Variants in PCM1 observed in about 807,000 individuals in gnomAD.
The protein encoded by PCM1 is pericentriolar material 1.
A neutral mutation model predicts 241.9 loss-of-function variants in PCM1; 157 were observed. The ratio of observed to expected loss-of-function variants is 0.65; its 90% CI spans 0.57 to 0.74. PCM1 has a LOEUF of 0.74. Ranked by LOEUF, PCM1 falls within the 30% of genes least tolerant of loss-of-function variation. The pLI is 0.00. For synonymous variants in PCM1, 1,085 were observed against 784.9 expected (o/e 1.38, Z -6.39); for missense variants, 3,478 against 2,360.1 (o/e 1.47, Z -9.81).
chr8:17,974,740 A>G (rs887120426), intron 23 of PCM1, among the ~76,000 whole-genome samples: 2 of 152,096 alleles, frequency 1.3e-5, no homozygotes, highest in African/African-American at 2.4e-5. Flanking sequence ...TGACATTCTG[A>G]TCTTTGTGCT....
Position 18,011,233 on chromosome 8 carries a change from C to CT in PCM1, c.5221-3dup, listed in dbSNP as rs773895555. 201 of 1,593,956 alleles carry CT rather than the reference C, an allele frequency of 1.3e-4. 1 individual carries two copies. The South Asian group carries it at 1.6e-3, about 13-fold the overall frequency. On this transcript the variant is annotated splice_region_variant and splice_polypyrimidine_tract_variant and intron_variant, in intron 32 of 38. Coordinates refer to ENST00000325083, the MANE Select transcript of PCM1 (RefSeq NM_006197.4). The stretch of plus-strand genomic sequence containing the variant: ...ATTAATTACTCAAATATTTTTGTGT[C>CT]TAGGACAAGGATGAAACTGAAACAG...
intron 2 of PCM1, among the ~76,000 whole-genome samples, chr8:17,931,703 C>A (rs2059092585): frequency 6.6e-6 from 1 of 151,976 alleles, no homozygotes; most frequent in South Asian, 2.1e-4. Flanking sequence ...AAAACAATTG[C>A]TTTTAGTACT....
intron 14 of PCM1, 57 bp downstream of exon 14, chr8:17,960,222 A>G (rs1357775266): frequency 6.4e-6 from 10 of 1,554,582 alleles, no homozygotes; most frequent in Non-Finnish European, 8.7e-6. Context: ...CCTGTTTTGG[A>G]GAAGGTGCTC....
At chr8:17,932,164 G>C (rs1178580256) in intron 2 of PCM1, among the ~76,000 whole-genome samples, 4 of 152,070 alleles carry the variant, frequency 2.6e-5, no homozygotes, top group Admixed American at 6.5e-5. Flanking sequence ...GTGTAGTACA[G>C]TTTGCCTAAT....
chr8:18,009,925 G>A (rs775849719), intron 31 of PCM1, among the ~76,000 whole-genome samples, 181 bp downstream of exon 31: 56 of 152,320 alleles, frequency 3.7e-4, no homozygotes, highest in Middle Eastern at 3.4e-3. Flanking sequence ...ACTAACAGCA[G>A]TTGCTAAAGA....
intron 15 of PCM1, 114 bp from the exon 16 acceptor site, chr8:17,961,920 T>C (rs1224641604): frequency 1.3e-6 from 1 of 763,936 alleles, no homozygotes; most frequent in African/African-American, 1.8e-5. Context: ...CAGGGTCTGA[T>C]AGCAGATTAA....
At chr8:18,009,952 G>A (rs761391828) in intron 31 of PCM1, among the ~76,000 whole-genome samples, 6 of 152,192 alleles carry the variant, frequency 3.9e-5, no homozygotes, top group Admixed American at 1.3e-4. Context: ...ATGCGGGCAG[G>A]AATTGATGTT....
At chr8:17,955,708 G>C (rs937787915) in intron 10 of PCM1, 55 bp downstream of exon 10, 2 of 1,076,832 alleles carry the variant, frequency 1.9e-6, no homozygotes, top group Non-Finnish European at 2.7e-6. Flanking sequence ...GATAAATTCT[G>C]TTTTTTTTTT....
chr8:17,999,023 G>A (rs2088094185), intron 29 of PCM1, among the ~76,000 whole-genome samples: 1 of 152,074 alleles, frequency 6.6e-6, no homozygotes, highest in Non-Finnish European at 1.5e-5. Flanking sequence ...ATGCTGCCAG[G>A]CCTGGGACTC....
rs528810373 is a variant in PCM1, at chr8:17,928,924, A to G, written c.-23+4144A>G. 1.5e-3 allele frequency among the ~76,000 whole-genome samples: 232 copies of G among 151,960 alleles called. 1 individual carries two copies. The highest frequency in any genetic ancestry group is 4.9e-3 in the African/African-American group (203 of 41,446). ...TGGTATTACAGGCGTGAGCCACCGC[A>G]CCCGACCAGTATCTCCCTCCTTACC... On this transcript the variant is annotated intron_variant, in intron 2 of 38. Coordinates refer to ENST00000325083, the MANE Select transcript of PCM1 (RefSeq NM_006197.4).
chr8:17,955,006 T>A (rs1284529470), intron 9 of PCM1, among the ~76,000 whole-genome samples: 1 of 152,124 alleles, frequency 6.6e-6, no homozygotes. Flanking sequence ...GAAAAACTGA[T>A]GAAGACCTAA....
Position 17,964,586 on chromosome 8 carries a change from AG to A in PCM1, c.2676del (p.Ser893LeufsTer6), listed in dbSNP as rs1287929948. ...TCACTAGAACGATGGCAACTTGGGG[AG>A]GGTCTACCCAGTGTGCACTAGATGA... The part of the protein sequence containing the change: ...RTEKTMATWG[G>X]STQCALDEEG... On this transcript the variant is annotated frameshift_variant, in exon 18 of 39. Coordinates refer to ENST00000325083, the MANE Select transcript of PCM1 (RefSeq NM_006197.4). LOFTEE classifies it high-confidence loss of function. 6.2e-7 allele frequency: 1 copy of A among 1,613,000 alleles called. No individual in the cohort carries two copies.
At chr8:17,985,728 C>A in intron 25 of PCM1, 109 bp downstream of exon 25, 1 of 878,654 alleles carries the variant, frequency 1.1e-6, no homozygotes, top group Non-Finnish European at 1.7e-6. Context: ...TTCATCTGTT[C>A]TCTATGTGCT....
intron 36 of PCM1, among the ~76,000 whole-genome samples, chr8:18,021,250 C>T (rs2093729275): frequency 6.6e-6 from 1 of 152,150 alleles, no homozygotes; most frequent in Non-Finnish European, 1.5e-5. Context: ...AGGCCCTGCA[C>T]TCTACAAACC....
At chr8:17,998,579 T>C (rs1042549637) in intron 29 of PCM1, among the ~76,000 whole-genome samples, 3 of 152,170 alleles carry the variant, frequency 2.0e-5, no homozygotes, top group African/African-American at 7.2e-5. Context: ...ACCCCTTTGG[T>C]GACTTACCAC....
At chr8:18,018,825 T>C (rs1170696013) in intron 36 of PCM1, among the ~76,000 whole-genome samples, 1 of 120,820 alleles carries the variant, frequency 8.3e-6, no homozygotes, top group Non-Finnish European at 1.6e-5. Flanking sequence ...AAAAAAAATA[T>C]GTATATATAT....
intron 3 of PCM1, among the ~76,000 whole-genome samples, chr8:17,936,831 T>G (rs908423371): frequency 6.6e-6 from 1 of 152,182 alleles, no homozygotes; most frequent in African/African-American, 2.4e-5. Context: ...AAAATCACAA[T>G]GTAAAAAAAT....
chr8:17,967,192 G>C, intron 21 of PCM1, 22 bp downstream of exon 21: 1 of 1,524,828 alleles, frequency 6.6e-7, no homozygotes, highest in Non-Finnish European at 8.9e-7. Context: ...AACCTAAAGA[G>C]AAAATAAATA....
chr8:17,962,854 G>T (rs2073100962), intron 16 of PCM1: 1 of 303,776 alleles, frequency 3.3e-6, no homozygotes, highest in Non-Finnish European at 6.0e-6. Flanking sequence ...AGTGAGCCGA[G>T]ATCACACCAC....
Sources: gnomAD v4.1 joint callset for allele counts (sites outside exome capture counted in the v4.1 genomes callset) on GRCh38, gnomAD v4.1.1 for gene constraint, MANE v1.5 for transcripts, NCBI Gene and HGNC (gene_info 2026-07-23, HGNC 2026-07-21) for gene names.